The following TENM1 variants were observed in gnomAD, a reference collection of about 807,000 sequenced individuals.
TENM1 encodes teneurin transmembrane protein 1.
A neutral mutation model predicts 174.8 loss-of-function variants in TENM1; 35 were observed. The observed-to-expected ratio is 0.20, with a 90% CI of 0.15 to 0.27. TENM1 has a LOEUF of 0.27. TENM1 is among the 10% of genes least tolerant of loss of function. TENM1 has a pLI of 1.00. For missense variants in TENM1, 1,633 were observed against 2,130.1 expected (o/e 0.77, Z 4.59); for synonymous variants, 781 against 798.7 (o/e 0.98, Z 0.37).
chrX:124,970,624 A>G, the TENM1 span, among the ~76,000 whole-genome samples: 1 of 111,905 alleles, frequency 8.9e-6, no homozygotes, highest in African/African-American at 3.2e-5. Context: ...AAAAGCTATA[A>G]AAGTACAAAC....
intron 3 of TENM1, among the ~76,000 whole-genome samples, chrX:124,775,761 T>C (rs991533541): frequency 1.8e-5 from 2 of 112,158 alleles, no homozygotes; most frequent in African/African-American, 6.5e-5. Context: ...TGCCTAGCTC[T>C]GAACTGCTTG....
intron 8 of TENM1, among the ~76,000 whole-genome samples, chrX:124,648,429 TCA>T (rs1440434640): frequency 2.7e-5 from 3 of 111,975 alleles, no homozygotes; most frequent in Middle Eastern, 4.6e-3. Flanking sequence ...TGGTCCCTCA[TCA>T]CAGTGTTAGA....
At chrX:125,115,498 A>G in the TENM1 span, among the ~76,000 whole-genome samples, 1 of 111,463 alleles carries the variant, frequency 9.0e-6, no homozygotes, top group Non-Finnish European at 1.9e-5. Flanking sequence ...CTCCATCGTC[A>G]CAGCCCAAAA....
At chrX:124,607,973 C>T (rs2050198602) in intron 11 of TENM1, among the ~76,000 whole-genome samples, 1 of 110,797 alleles carries the variant, frequency 9.0e-6, no homozygotes, top group African/African-American at 3.3e-5. Context: ...GGTTTTGGGT[C>T]TGAGTAACTA....
chrX:124,486,283 C>G (rs895909855), intron 21 of TENM1, among the ~76,000 whole-genome samples: 2 of 112,311 alleles, frequency 1.8e-5, no homozygotes, highest in Non-Finnish European at 3.8e-5. Flanking sequence ...TCAAGCAATG[C>G]TCTTCAACTT....
the TENM1 span, among the ~76,000 whole-genome samples, chrX:124,991,670 A>AT: frequency 2.1e-5 from 2 of 96,038 alleles, no homozygotes; most frequent in Non-Finnish European, 2.1e-5. Context: ...AGGATACTTA[A>AT]TTTTTTTACT....
intron 19 of TENM1, 61 bp from the exon 23 acceptor site, chrX:124,497,326 G>A: frequency 9.1e-7 from 1 of 1,100,149 alleles, no homozygotes; most frequent in Non-Finnish European, 1.2e-6. Flanking sequence ...AATAATCTCA[G>A]CAATATTTTA....
intron 3 of TENM1, among the ~76,000 whole-genome samples, chrX:124,869,537 G>A (rs1161795317): frequency 9.0e-6 from 1 of 111,511 alleles, no homozygotes; most frequent in Non-Finnish European, 1.9e-5. Flanking sequence ...GTTTGTTGCA[G>A]CAGTGTTTAC....
chrX:124,799,206 GT>G lies in TENM1; in HGVS notation c.536-62010del, dbSNP rs1015945623. On this transcript the variant is annotated intron_variant, in intron 3 of 31. Transcript: ENST00000422452. ...TTTGTTCCATATGAAATTTAAAGTA[GT>G]TTTTTTTTCTAATTCTGTGAAGAAT... 8.2e-5 allele frequency among the ~76,000 whole-genome samples: 9 copies of G among 109,771 alleles called. 1 individual carries two copies. The Admixed American group carries it at 8.7e-4, about 11-fold the overall frequency.
intron 11 of TENM1, among the ~76,000 whole-genome samples, chrX:124,604,285 T>G (rs763545379): frequency 5.2e-4 from 58 of 111,495 alleles, no homozygotes; most frequent in Non-Finnish European, 1.0e-3. Flanking sequence ...TTAATGATAT[T>G]TTATTTGAGA....
intron 1 of TENM1, among the ~76,000 whole-genome samples, chrX:124,934,431 G>T (rs1013501506): frequency 8.9e-6 from 1 of 112,368 alleles, no homozygotes; most frequent in Non-Finnish European, 1.9e-5. Flanking sequence ...TGCTTTTGGA[G>T]ACACTGCTGC....
chrX:124,797,798 T>C (rs1262737475), intron 3 of TENM1, among the ~76,000 whole-genome samples: 3 of 110,147 alleles, frequency 2.7e-5, no homozygotes, highest in Admixed American at 1.9e-4. Flanking sequence ...GTCACTTAGG[T>C]TTTAAGCCAA....
chrX:124,955,017 T>C (rs1375444357), intron 1 of TENM1, among the ~76,000 whole-genome samples: 1 of 112,134 alleles, frequency 8.9e-6, no homozygotes, highest in African/African-American at 3.2e-5. Context: ...ACTTCCTGTC[T>C]TAGAGGATGC....
chrX:125,057,516 A>G, the TENM1 span, among the ~76,000 whole-genome samples: 1 of 110,943 alleles, frequency 9.0e-6, no homozygotes, highest in Non-Finnish European at 1.9e-5. Flanking sequence ...TTAATATCCT[A>G]TTTTCCAGTC....
intron 3 of TENM1, among the ~76,000 whole-genome samples, chrX:124,886,142 T>A (rs939073178): frequency 2.7e-5 from 3 of 111,626 alleles, no homozygotes; most frequent in African/African-American, 9.7e-5. Context: ...GGCTCAGCCA[T>A]ATTTTTTTCC....
intron 15 of TENM1, among the ~76,000 whole-genome samples, chrX:124,546,523 A>G (rs2048432903): frequency 8.9e-6 from 1 of 111,939 alleles, no homozygotes; most frequent in Non-Finnish European, 1.9e-5. Flanking sequence ...TTTCATCATG[A>G]AATAAAACTT....
the TENM1 span, among the ~76,000 whole-genome samples, chrX:125,008,445 C>T: frequency 0.013 from 1,448 of 111,659 alleles, 36 homozygotes; most frequent in African/African-American, 0.043. Flanking sequence ...AGGACTTTAA[C>T]ACTCCGTTGT....
the TENM1 span, among the ~76,000 whole-genome samples, chrX:125,100,623 A>C: frequency 8.9e-6 from 1 of 111,970 alleles, no homozygotes; most frequent in African/African-American, 3.3e-5. Context: ...GAAAATGTAC[A>C]TGTTCTGGTC....
At chrX:125,080,922 A>G in the TENM1 span, among the ~76,000 whole-genome samples, 2 of 110,465 alleles carry the variant, frequency 1.8e-5, no homozygotes, top group Non-Finnish European at 3.8e-5. Context: ...TACCCTGGAC[A>G]CTCATTTTCT....
Sources: allele counts gnomAD v4.1 joint callset (sites outside exome capture counted in the v4.1 genomes callset), GRCh38; gene constraint gnomAD v4.1.1; transcripts MANE v1.5; gene names NCBI Gene and HGNC (gene_info 2026-07-23, HGNC 2026-07-21).